Variants in PLA2R1 observed in about 807,000 individuals in gnomAD.
PLA2R1 encodes phospholipase A2 receptor 1.
A neutral mutation model predicts 195.9 loss-of-function variants in PLA2R1; 158 were observed. That is an observed-to-expected ratio of 0.81 (90% confidence interval 0.71 to 0.92). The LOEUF (loss-of-function observed/expected upper bound fraction) is 0.92, where lower values mean the gene tolerates loss of function less well. Ranked by LOEUF, PLA2R1 falls within the 40% of genes least tolerant of loss-of-function variation. PLA2R1 has a pLI of 0.00. For synonymous variants in PLA2R1, 586 were observed against 598.2 expected (o/e 0.98, Z 0.30); for missense variants, 1,626 against 1,764.6 (o/e 0.92, Z 1.41).
Position 160,044,090 on chromosome 2 carries a change from C to T in PLA2R1, c.493+684G>A, listed in dbSNP as rs183497466. Reference sequence around the variant, plus strand: ...ATGGATGGATGGATAGAGTGAGCTACCAAACAAAACGCTGAGGGACAGGTT... The same window carrying T: ...ATGGATGGATGGATAGAGTGAGCTATCAAACAAAACGCTGAGGGACAGGTT... On this transcript the variant is annotated intron_variant, in intron 2 of 29. Transcript: ENST00000283243. Among the ~76,000 whole-genome samples, 37 of 151,970 alleles carry T rather than the reference C, an allele frequency of 2.4e-4. No homozygotes were observed. The East Asian group carries it at 6.6e-3, about 27-fold the overall frequency.
intron 11 of PLA2R1, among the ~76,000 whole-genome samples, chr2:159,995,800 A>C (rs1264257470): frequency 6.9e-6 from 1 of 145,596 alleles, no homozygotes; most frequent in Non-Finnish European, 1.5e-5. Flanking sequence ...AATTGAGCGC[A>C]AAATACAGAG....
At position 160,028,787 on chromosome 2, in the gene PLA2R1, T is replaced by C. The variant is rs534043920; in HGVS notation, c.955+63A>G. On this transcript the variant is annotated intron_variant, in intron 5 of 29. Coordinates refer to ENST00000283243, the MANE Select transcript of PLA2R1 (RefSeq NM_007366.5). ...AAGCATGTCCTATGTGCATGGGAAATGCTGCTGTGTAAGGGTGCAAGATGA... is the reference window on the plus strand; with the variant it reads ...AAGCATGTCCTATGTGCATGGGAAACGCTGCTGTGTAAGGGTGCAAGATGA... The C allele has an allele frequency of 5.6e-5, 52 of 928,114 alleles. No homozygotes were observed. The African/African-American group carries it at 8.0e-4, about 14-fold the overall frequency. 57.5% of individuals were successfully genotyped at this position (928,114 alleles called of 1,614,324 possible). A position where few individuals can be genotyped will look rare whatever the true frequency, so the allele number is the denominator to read the frequency against.
chr2:159,927,234 T>C (rs772054052), downstream of PLA2R1, among the ~76,000 whole-genome samples: 4 of 152,232 alleles, frequency 2.6e-5, no homozygotes, highest in Non-Finnish European at 5.9e-5. Context: ...AATGATCTTC[T>C]AGTTCCCTTT....
chr2:160,007,992 A>G (rs1692110250), intron 10 of PLA2R1, among the ~76,000 whole-genome samples: 1 of 152,240 alleles, frequency 6.6e-6, no homozygotes, highest in Non-Finnish European at 1.5e-5. Context: ...CAAACTTACT[A>G]CAAAGCTACA....
intron 11 of PLA2R1, among the ~76,000 whole-genome samples, chr2:159,997,969 G>T (rs895370629): frequency 6.6e-6 from 1 of 152,098 alleles, no homozygotes; most frequent in Non-Finnish European, 1.5e-5. Context: ...GACTTTCTTT[G>T]ATCTCTCTCT....
intron 4 of PLA2R1, among the ~76,000 whole-genome samples, chr2:160,030,358 C>A (rs1336110181): frequency 6.6e-6 from 1 of 152,198 alleles, no homozygotes; most frequent in African/African-American, 2.4e-5. Context: ...TTCAATAGCA[C>A]CATTCGATTG....
intron 3 of PLA2R1, among the ~76,000 whole-genome samples, chr2:160,035,184 T>G (rs1411595195): frequency 6.6e-6 from 1 of 152,222 alleles, no homozygotes; most frequent in Non-Finnish European, 1.5e-5. Flanking sequence ...TGTATAAGAA[T>G]TTGTACTTCT....
chr2:160,017,122 T>C (rs1041865740), intron 8 of PLA2R1, among the ~76,000 whole-genome samples: 3 of 152,202 alleles, frequency 2.0e-5, no homozygotes, highest in Admixed American at 6.5e-5. Flanking sequence ...CTAGGATTGA[T>C]ACCAAGGTCA....
chr2:159,932,800 C>T lies in PLA2R1; in HGVS notation c.*8978G>A, dbSNP rs568780371. 64 of 152,126 alleles carry T rather than the reference C, an allele frequency of 4.2e-4. No homozygotes were observed. Among genetic ancestry groups the T allele is most frequent in the African/African-American group, 1.5e-3 (63 of 41,490 alleles). 9.4% of individuals were successfully genotyped at this position (152,126 alleles called of 1,614,324 possible). A position where few individuals can be genotyped will look rare whatever the true frequency, so the allele number is the denominator to read the frequency against. ...GCAAGGAGAAAACATTATAAATGGT[C>T]CTTTAACAATTTACAATTTGCTGTA... is the stretch of plus-strand genomic sequence containing the variant. On this transcript the variant is annotated 3_prime_UTR_variant, in exon 30 of 30. Transcript: ENST00000283243.
chr2:160,040,780 T>C (rs1353085822), intron 3 of PLA2R1, among the ~76,000 whole-genome samples: 1 of 152,218 alleles, frequency 6.6e-6, no homozygotes, highest in Non-Finnish European at 1.5e-5. Flanking sequence ...AGAGGAGAAA[T>C]CATGGATTCA....
At chr2:159,963,629 C>T (rs1688593923) in intron 20 of PLA2R1, among the ~76,000 whole-genome samples, 1 of 152,120 alleles carries the variant, frequency 6.6e-6, no homozygotes, top group African/African-American at 2.4e-5. Flanking sequence ...CTAACAAGCA[C>T]ATGAAACGAT....
chr2:159,969,465 T>G (rs1689002449), intron 18 of PLA2R1, 106 bp from the exon 19 acceptor site: 7 of 599,320 alleles, frequency 1.2e-5, no homozygotes, highest in Non-Finnish European at 2.1e-5. Context: ...AATATTCTAT[T>G]AAATTTAAAA....
chr2:160,042,033 G>A lies in PLA2R1; in HGVS notation c.659C>T (p.Pro220Leu). ...ACAAAATTTATTCTTACTGGGATCA[G>A]GGCAAAATCCCCACTTTTCATCTCT... ...YERDEKWGFC[P>L]DPTSAEVGCD... is the part of the protein sequence containing the mutation. The change falls in exon 3 of 30, where the codon CCT (proline) becomes CTT (leucine). Residue 220 changes from proline to leucine, a missense_variant. Physicochemically the swap from Pro to Leu is moderately conservative, Grantham distance 98. Coordinates refer to ENST00000283243, the MANE Select transcript of PLA2R1 (RefSeq NM_007366.5). The A allele has an allele frequency of 6.2e-7, 1 of 1,612,904 alleles. No homozygotes were observed. The highest frequency in any genetic ancestry group is 1.3e-5 in the African/African-American group (1 of 75,028).
Position 159,935,133 on chromosome 2 carries a change from AC to A in PLA2R1, c.*6644del, listed in dbSNP as rs1157620494. ...AGTCATGTGCCCTTCTCAATGCCAT[AC>A]CAGGGGGTACATGATGCTGATGTGG... On this transcript the variant is annotated 3_prime_UTR_variant, in exon 30 of 30. Coordinates refer to ENST00000283243, the MANE Select transcript of PLA2R1 (RefSeq NM_007366.5). 2 of 152,212 alleles carry A rather than the reference AC, an allele frequency of 1.3e-5. No individual in the cohort carries two copies. The highest frequency in any genetic ancestry group is 4.8e-5 in the African/African-American group (2 of 41,444). 9.4% of individuals were successfully genotyped at this position (152,212 alleles called of 1,614,324 possible).
chr2:159,999,769 AAC>A (rs1194164325), intron 11 of PLA2R1, among the ~76,000 whole-genome samples: 1 of 152,140 alleles, frequency 6.6e-6, no homozygotes, highest in African/African-American at 2.4e-5. Flanking sequence ...AATTTTTAAA[AAC>A]ACAGAGAGAG....
chr2:159,969,238 A>G lies in PLA2R1; in HGVS notation c.2764+18T>C, dbSNP rs1688984485. ...ATCAGTTTGTATTATAAACCCAAAAATGGGTAAGTAAAATAACCTGTTATA... is the reference window on the plus strand; with the variant it reads ...ATCAGTTTGTATTATAAACCCAAAAGTGGGTAAGTAAAATAACCTGTTATA... On this transcript the variant is annotated intron_variant, in intron 19 of 29. Coordinates refer to ENST00000283243, the MANE Select transcript of PLA2R1 (RefSeq NM_007366.5). 7.6e-7 allele frequency: 1 copy of G among 1,321,730 alleles called. No individual in the cohort carries two copies. The highest frequency in any genetic ancestry group is 1.1e-6 in the Non-Finnish European group (1 of 918,998). 81.9% of individuals were successfully genotyped at this position (1,321,730 alleles called of 1,614,324 possible).
At chr2:159,945,442 T>C (rs1333046237) in intron 27 of PLA2R1, among the ~76,000 whole-genome samples, 1 of 151,892 alleles carries the variant, frequency 6.6e-6, no homozygotes, top group Non-Finnish European at 1.5e-5. Flanking sequence ...AGTGAGAATA[T>C]GCAGTGTTTG....
intron 3 of PLA2R1, among the ~76,000 whole-genome samples, chr2:160,038,077 T>C (rs1694274797): frequency 6.6e-6 from 1 of 152,206 alleles, no homozygotes; most frequent in Admixed American, 6.5e-5. Flanking sequence ...AGGTCAGGCA[T>C]GCATTGTTGT....
At chr2:160,059,040 C>T (rs773523340) in intron 1 of PLA2R1, among the ~76,000 whole-genome samples, 1 of 152,168 alleles carries the variant, frequency 6.6e-6, no homozygotes, top group Non-Finnish European at 1.5e-5. Context: ...GACAGATCAT[C>T]AGGCATTAGA....
Sources: gnomAD v4.1 joint callset for allele counts (sites outside exome capture counted in the v4.1 genomes callset) on GRCh38, gnomAD v4.1.1 for gene constraint, MANE v1.5 for transcripts, NCBI Gene and HGNC (gene_info 2026-07-23, HGNC 2026-07-21) for gene names.